DGKD: variants seen among roughly 807,000 people sequenced by gnomAD.
DGKD encodes DAG kinase delta.
In DGKD, 68 loss-of-function variants were observed where a neutral mutation model predicts 154.4. The ratio of observed to expected loss-of-function variants is 0.44; its 90% CI spans 0.36 to 0.54. The LOEUF (loss-of-function observed/expected upper bound fraction) is 0.54. Among genes scored for constraint, DGKD ranks in the 20% least tolerant of loss-of-function variants. DGKD has a pLI of 0.00. For missense variants in DGKD, 1,343 were observed against 1,593.6 expected (o/e 0.84, Z 2.68); for synonymous variants, 693 against 638.0 (o/e 1.09, Z -1.30).
chr2:233,360,443 G>A (rs540484215), intron 1 of DGKD, among the ~76,000 whole-genome samples: 1 of 151,984 alleles, frequency 6.6e-6, no homozygotes, highest in Admixed American at 6.6e-5. Context: ...TTATGGAGAC[G>A]AGGGTCTCAC....
intron 3 of DGKD, among the ~76,000 whole-genome samples, chr2:233,405,845 A>G (rs1299915730): frequency 2.0e-5 from 3 of 152,256 alleles, no homozygotes; most frequent in Non-Finnish European, 4.4e-5. Flanking sequence ...ATAATACTGC[A>G]TATATAAAGG....
At chr2:233,384,951 C>G (rs758227778) in intron 1 of DGKD, among the ~76,000 whole-genome samples, 3 of 152,204 alleles carry the variant, frequency 2.0e-5, no homozygotes, top group Non-Finnish European at 4.4e-5. Context: ...CTGTGCCCCA[C>G]ATCCCAGAGC....
At chr2:233,403,894 A>G (rs1339461087) in intron 3 of DGKD, among the ~76,000 whole-genome samples, 1 of 152,052 alleles carries the variant, frequency 6.6e-6, no homozygotes, top group African/African-American at 2.4e-5. Flanking sequence ...CCCACCTTGG[A>G]TTCCCAAAGT....
chr2:233,448,128 C>T lies in DGKD; in HGVS notation c.1461C>T (p.His487=). 6.2e-7 allele frequency: 1 copy of T among 1,614,114 alleles called. No homozygotes were observed. Among genetic ancestry groups the T allele is most frequent in the Non-Finnish European group, 8.5e-7 (1 of 1,180,010 alleles). ...ILFYEDSVAA[H]LSKILTSDQH... ...TCTATGAAGACTCGGTTGCAGCCCA[C>T]CTTTCTAAAATCCTCACCTCGGACC... The change falls in exon 13 of 30, where the codon CAC becomes CAT. Residue 487 remains histidine (H), a synonymous_variant. Coordinates refer to ENST00000264057, the MANE Select transcript of DGKD (RefSeq NM_152879.3).
In DGKD at chr2:233,457,077, C is replaced by CAAAT. The variant is rs2063483962; in HGVS notation, c.2472+83_2472+84insAATA. On this transcript the variant is annotated intron_variant, in intron 20 of 29. Transcript: ENST00000264057. The surrounding 1 kb of genome is among the most constrained non-coding windows in gnomAD (Gnocchi z 5.5). ...CAGGCCTATTGCTTCTCCTGTTGAC[C>CAAAT]ATTTCCTCCATGCACAGGGACTTGC... The CAAAT allele has an allele frequency of 7.4e-7, 1 of 1,358,282 alleles. No individual in the cohort carries two copies. Among genetic ancestry groups the CAAAT allele is most frequent in the South Asian group, 1.2e-5 (1 of 85,110 alleles). 84.1% of individuals were successfully genotyped at this position (1,358,282 alleles called of 1,614,324 possible). A position where few individuals can be genotyped will look rare whatever the true frequency, so the allele number is the denominator to read the frequency against.
chr2:233,433,463 G>A (rs1678580920), intron 3 of DGKD, among the ~76,000 whole-genome samples: 1 of 152,104 alleles, frequency 6.6e-6, no homozygotes, highest in African/African-American at 2.4e-5. Context: ...TAGTGGGGCT[G>A]GGGGGATGGT....
At chr2:233,355,141 C>T (rs1282897380) in intron 1 of DGKD, among the ~76,000 whole-genome samples, 1 of 152,090 alleles carries the variant, frequency 6.6e-6, no homozygotes, top group Admixed American at 6.5e-5. Context: ...TGCAGACTTC[C>T]CTGTGGTGCC....
intron 10 of DGKD, among the ~76,000 whole-genome samples, chr2:233,443,740 T>C (rs2062972475): frequency 6.6e-6 from 1 of 152,234 alleles, no homozygotes; most frequent in African/African-American, 2.4e-5. Flanking sequence ...GCTGGTGGAT[T>C]AGCATAGACT....
intron 3 of DGKD, among the ~76,000 whole-genome samples, chr2:233,390,735 T>TG (rs1364714308): frequency 6.6e-6 from 1 of 152,210 alleles, no homozygotes; most frequent in Non-Finnish European, 1.5e-5. Flanking sequence ...GGTTCACGTC[T>TG]GTTTTGTTTT....
chr2:233,401,616 T>C (rs1049032401), intron 3 of DGKD, among the ~76,000 whole-genome samples: 5 of 152,024 alleles, frequency 3.3e-5, no homozygotes, highest in African/African-American at 1.2e-4. Context: ...ATTCTGCCCA[T>C]TGTTAAAAGC....
At chr2:233,461,639 C>T (rs144501192) in intron 24 of DGKD, among the ~76,000 whole-genome samples, 165 of 152,364 alleles carry the variant, frequency 1.1e-3, no homozygotes, top group African/African-American at 3.7e-3. Flanking sequence ...CCCTGGAAAG[C>T]CATTACCCTG....
rs1003885664 is a variant in DGKD, at chr2:233,459,737, T to C, written c.2695-20T>C. On this transcript the variant is annotated intron_variant, in intron 22 of 29. Transcript: ENST00000264057. The surrounding 1 kb of genome is among the most constrained non-coding windows in gnomAD (Gnocchi z 5.7). ...GGGGGTTTTGGCTCAGCATGAGTAA[T>C]GGCTATGATGTCTGCTCAGTGTCGC... is the stretch of plus-strand genomic sequence containing the variant. The C allele has an allele frequency of 6.2e-7, 1 of 1,610,744 alleles. No individual in the cohort carries two copies. Among genetic ancestry groups the C allele is most frequent in the South Asian group, 1.1e-5 (1 of 90,754 alleles).
chr2:233,458,314 A>G lies in DGKD; in HGVS notation c.2611A>G (p.Ile871Val). ...TFAAPSFDDK[I>V]LEVVAVFGSM... Reference sequence around the variant, plus strand: ...CGCAGCTCCATCATTCGATGACAAGATTCTGGAGGTGGTCGCCGTGTTCGG... The same window carrying G: ...CGCAGCTCCATCATTCGATGACAAGGTTCTGGAGGTGGTCGCCGTGTTCGG... The change falls in exon 22 of 30, where the codon ATT becomes GTT. Residue 871 changes from isoleucine to valine, a missense_variant. Ile to Val is a conservative substitution (Grantham distance 29). Coordinates refer to ENST00000264057, the MANE Select transcript of DGKD (RefSeq NM_152879.3). This position sits in a 1 kb window ranked among gnomAD's most constrained non-coding sequence, Gnocchi z 6.6. The G allele has an allele frequency of 6.2e-7, 1 of 1,612,780 alleles. No homozygotes were observed. Among genetic ancestry groups the G allele is most frequent in the Middle Eastern group, 1.6e-4 (1 of 6,062 alleles).
intron 3 of DGKD, among the ~76,000 whole-genome samples, chr2:233,390,758 G>T (rs1703546491): frequency 1.3e-5 from 2 of 152,278 alleles, no homozygotes; most frequent in Admixed American, 6.5e-5. Flanking sequence ...TTGAGACGGA[G>T]TTTGGCTCTT....
At chr2:233,431,421 A>G (rs1017144460) in intron 3 of DGKD, among the ~76,000 whole-genome samples, 13 of 152,380 alleles carry the variant, frequency 8.5e-5, no homozygotes, top group African/African-American at 1.7e-4. Context: ...TACAGATTCA[A>G]TGCAATTCCT....
At chr2:233,371,999 A>G (rs927345696) in intron 1 of DGKD, among the ~76,000 whole-genome samples, 1 of 152,204 alleles carries the variant, frequency 6.6e-6, no homozygotes, top group South Asian at 2.1e-4. Flanking sequence ...TTTTACTGCC[A>G]TGGAACTCAT....
At chr2:233,358,979 G>A (rs543422857) in intron 1 of DGKD, among the ~76,000 whole-genome samples, 2 of 152,302 alleles carry the variant, frequency 1.3e-5, no homozygotes, top group South Asian at 2.1e-4. Flanking sequence ...AAAAGCTGCC[G>A]TAACATTTTA....
chr2:233,465,194 C>T (rs1371290531), intron 27 of DGKD, among the ~76,000 whole-genome samples: 1 of 152,152 alleles, frequency 6.6e-6, no homozygotes, highest in African/African-American at 2.4e-5. Flanking sequence ...CCTCAAAATC[C>T]ATTAAATAAT....
chr2:233,363,674 C>T (rs193037279), intron 1 of DGKD, among the ~76,000 whole-genome samples: 5 of 152,286 alleles, frequency 3.3e-5, no homozygotes, highest in Admixed American at 1.3e-4. Context: ...GCTCCAGTTA[C>T]GGTAAGTACC....
Sources: gnomAD v4.1 joint callset for allele counts (sites outside exome capture counted in the v4.1 genomes callset) on GRCh38, gnomAD v4.1.1 for gene constraint, Gnocchi (gnomAD v3.1) non-coding constraint, MANE v1.5 for transcripts, NCBI Gene and HGNC (gene_info 2026-07-23, HGNC 2026-07-21) for gene names.